The following UBASH3B variants were observed in gnomAD, a reference collection of about 807,000 sequenced individuals.
UBASH3B encodes ubiquitin associated and SH3 domain containing B.
Under a neutral mutation model 83.4 loss-of-function variants are expected in UBASH3B, and 37 were observed. The ratio of observed to expected loss-of-function variants is 0.44; its 90% CI spans 0.34 to 0.58. The LOEUF is 0.58. UBASH3B is among the 20% of genes least tolerant of loss of function. The pLI is 0.01. For missense variants in UBASH3B, 657 were observed against 827.2 expected, an observed-to-expected ratio of 0.79 and a Z score of 2.52; for synonymous variants, 304 against 318.3, an observed-to-expected ratio of 0.96 and a Z score of 0.48.
At chr11:122,760,521 T>C (rs1294867568) in intron 1 of UBASH3B, among the ~76,000 whole-genome samples, 27 of 152,042 alleles carry the variant, frequency 1.8e-4, no homozygotes, top group Admixed American at 9.2e-4. Flanking sequence ...CCACCGCACC[T>C]GGCTAATTTT....
At position 122,656,230 on chromosome 11, in the gene UBASH3B, GCCCTCGGCGAC is replaced by G; in HGVS notation, c.161+26_161+36del. 7.1e-7 allele frequency: 1 copy of G among 1,416,168 alleles called. No homozygotes were observed. The highest frequency in any genetic ancestry group is 9.3e-7 in the Non-Finnish European group (1 of 1,076,760). 87.7% of individuals were successfully genotyped at this position (1,416,168 alleles called of 1,614,324 possible). On this transcript the variant is annotated intron_variant, in intron 1 of 13. Coordinates refer to ENST00000284273, the MANE Select transcript of UBASH3B (RefSeq NM_032873.5). ...CCGCGCGTAAGTGGCCGGGCTCGCA[GCCCTCGGCGAC>G]CCCTCCCGCGCGCGCGGCCGGCCCT...
intron 5 of UBASH3B, among the ~76,000 whole-genome samples, chr11:122,787,548 C>A (rs558221562): frequency 4.6e-5 from 7 of 152,308 alleles, no homozygotes; most frequent in Non-Finnish European, 7.3e-5. Context: ...GAAGGAAATT[C>A]TCTCTTTATA....
intron 1 of UBASH3B, among the ~76,000 whole-genome samples, chr11:122,694,323 G>A (rs990323499): frequency 6.6e-6 from 1 of 151,890 alleles, no homozygotes; most frequent in Non-Finnish European, 1.5e-5. Context: ...AATGGCAAGT[G>A]GTACTAATTT....
At chr11:122,701,061 A>G (rs1481502702) in intron 1 of UBASH3B, among the ~76,000 whole-genome samples, 1 of 152,020 alleles carries the variant, frequency 6.6e-6, no homozygotes, top group South Asian at 2.1e-4. Flanking sequence ...AAAATTCCCA[A>G]CCCCCAGCAT....
At chr11:122,807,846 C>A (rs1861367688) in intron 12 of UBASH3B, among the ~76,000 whole-genome samples, 1 of 152,200 alleles carries the variant, frequency 6.6e-6, no homozygotes, top group Non-Finnish European at 1.5e-5. Context: ...TGAGCCACCA[C>A]ACCCGGCCCC....
In UBASH3B at chr11:122,794,778, G is replaced by A; in HGVS notation, c.1057G>A (p.Glu353Lys). The A allele has an allele frequency of 6.2e-7, 1 of 1,614,142 alleles. No individual in the cohort carries two copies. The highest frequency in any genetic ancestry group is 8.5e-7 in the Non-Finnish European group (1 of 1,180,028). The change falls in exon 7 of 14, where the codon GAG becomes AAG. Residue 353 changes from glutamate to lysine, a missense_variant. Around this residue, in one of 3 missense-constraint regions of UBASH3B, gnomAD observed 573 missense variants for 739.0 expected, o/e 0.78. Transcript: ENST00000284273. Reference protein sequence around the residue: ...GDGVLERRPYEDQGLGETTPL... With the variant: ...GDGVLERRPYKDQGLGETTPL... ...TGGAGTATTGGAGAGGCGGCCTTAT[G>A]AGGACCAGGGGCTCGGGGAGACGAC...
chr11:122,767,867 T>TA (rs1860576962), intron 1 of UBASH3B, among the ~76,000 whole-genome samples: 1 of 152,150 alleles, frequency 6.6e-6, no homozygotes, highest in African/African-American at 2.4e-5. Flanking sequence ...GCAGCTGAGT[T>TA]ACAAACCTGG....
chr11:122,729,197 C>T (rs1202393854), intron 1 of UBASH3B, among the ~76,000 whole-genome samples: 1 of 152,172 alleles, frequency 6.6e-6, no homozygotes, highest in Non-Finnish European at 1.5e-5. Context: ...AGTACTCCAA[C>T]GCCACAGGGG....
At chr11:122,687,159 G>T (rs879332638) in intron 1 of UBASH3B, among the ~76,000 whole-genome samples, 2 of 152,116 alleles carry the variant, frequency 1.3e-5, no homozygotes, top group African/African-American at 4.8e-5. Context: ...GTGAGTCACC[G>T]CACCTGGGCA....
chr11:122,668,187 T>A (rs1267625264), intron 1 of UBASH3B, among the ~76,000 whole-genome samples: 1 of 151,948 alleles, frequency 6.6e-6, no homozygotes, highest in Non-Finnish European at 1.5e-5. Flanking sequence ...GGGGTTTCAC[T>A]ATGTTGGCCA....
intron 9 of UBASH3B, 59 bp from the exon 10 acceptor site, chr11:122,798,883 G>C (rs1396114166): frequency 1.7e-5 from 25 of 1,447,000 alleles, no homozygotes; most frequent in Non-Finnish European, 2.2e-5. Context: ...CTCACACTGC[G>C]GGTCAAGGTG....
rs767833544 is a variant in UBASH3B, at chr11:122,703,111, G to A, written c.161+46901G>A. ...ATGTTTACTGAACAGGGTTGGTGGT[G>A]GACATGCCACTTCTTTGAAATATTT... is the stretch of plus-strand genomic sequence containing the variant. On this transcript the variant is annotated intron_variant, in intron 1 of 13. Coordinates refer to ENST00000284273, the MANE Select transcript of UBASH3B (RefSeq NM_032873.5). 3.9e-5 allele frequency among the ~76,000 whole-genome samples: 6 copies of A among 152,154 alleles called. No individual in the cohort carries two copies. In the East Asian group the frequency reaches 9.7e-4, roughly 25 times the overall value.
intron 1 of UBASH3B, among the ~76,000 whole-genome samples, chr11:122,739,409 T>G: frequency 6.6e-6 from 1 of 152,158 alleles, no homozygotes; most frequent in East Asian, 1.9e-4. Flanking sequence ...AAGACTCAAT[T>G]TCTCCACTAA....
At chr11:122,734,326 T>G (rs78698627) in intron 1 of UBASH3B, among the ~76,000 whole-genome samples, 2,290 of 152,344 alleles carry the variant, frequency 0.015, 58 homozygotes, top group African/African-American at 0.052. Context: ...TGAAAAGAGC[T>G]TGACATGGCT....
intron 1 of UBASH3B, among the ~76,000 whole-genome samples, chr11:122,761,284 C>T (rs1861366858): frequency 6.6e-6 from 1 of 152,088 alleles, no homozygotes; most frequent in African/African-American, 2.4e-5. Context: ...TATTCTTTAC[C>T]CCCATCTCTA....
chr11:122,676,070 C>T (rs974138879), intron 1 of UBASH3B, among the ~76,000 whole-genome samples: 2 of 152,318 alleles, frequency 1.3e-5, no homozygotes, highest in Non-Finnish European at 2.9e-5. Flanking sequence ...CCCCTCAGCT[C>T]TCCCACCTCA....
intron 1 of UBASH3B, among the ~76,000 whole-genome samples, chr11:122,743,128 T>G (rs1226103310): frequency 6.6e-6 from 1 of 152,108 alleles, no homozygotes; most frequent in East Asian, 1.9e-4. Flanking sequence ...AGAGCCAGAG[T>G]GGGAGATAGG....
chr11:122,722,767 A>G (rs1236758641), intron 1 of UBASH3B, among the ~76,000 whole-genome samples: 3 of 150,380 alleles, frequency 2.0e-5, no homozygotes, highest in Non-Finnish European at 4.4e-5. Flanking sequence ...GTGCAGTGGC[A>G]TGATCTCGGC....
At chr11:122,734,865 C>A (rs752066926) in intron 1 of UBASH3B, among the ~76,000 whole-genome samples, 1 of 151,408 alleles carries the variant, frequency 6.6e-6, no homozygotes, top group African/African-American at 2.4e-5. Flanking sequence ...TGTGTCAAAA[C>A]GTTTCCCTCT....
Sources: allele counts gnomAD v4.1 joint callset (sites outside exome capture counted in the v4.1 genomes callset), GRCh38; gene constraint gnomAD v4.1.1; regional missense constraint gnomAD v4.1.1; transcripts MANE v1.5; gene names NCBI Gene and HGNC (gene_info 2026-07-23, HGNC 2026-07-21).